CYGB: variants seen among roughly 807,000 people sequenced by gnomAD.
CYGB encodes the protein histoglobin.
In CYGB, 13 loss-of-function variants were observed where a neutral mutation model predicts 20.7. The ratio of observed to expected loss-of-function variants is 0.63; its 90% CI spans 0.41 to 1.00. The LOEUF (loss-of-function observed/expected upper bound fraction) is 1.00. Among genes scored for constraint, CYGB ranks in the 50% least tolerant of loss-of-function variants. The pLI is 0.00. For missense variants in CYGB, 218 were observed against 257.2 expected, an observed-to-expected ratio of 0.85 and a Z score of 1.04; for synonymous variants, 93 against 107.4, an observed-to-expected ratio of 0.87 and a Z score of 0.83.
intron 1 of CYGB, among the ~76,000 whole-genome samples, chr17:76,548,075 TAC>T (rs927515120): frequency 9.3e-5 from 14 of 150,496 alleles, no homozygotes; most frequent in Admixed American, 6.6e-4. Context: ...GACATACATG[TAC>T]ACACACAAAT....
intron 1 of CYGB, among the ~76,000 whole-genome samples, chr17:76,548,168 CACAT>C (rs1456237135): frequency 3.3e-5 from 5 of 152,056 alleles, no homozygotes; most frequent in Non-Finnish European, 5.9e-5. Context: ...CATACACACA[CACAT>C]ATACACCGAC....
At position 76,528,679 on chromosome 17, in the gene CYGB, G is replaced by C; in HGVS notation, c.540-68C>G. 8.1e-7 allele frequency: 1 copy of C among 1,229,050 alleles called. No individual in the cohort carries two copies. Among genetic ancestry groups the C allele is most frequent in the Non-Finnish European group, 1.0e-6 (1 of 969,234 alleles). The allele number at this position is 1,229,050 out of a possible 1,614,324, so 76.1% of individuals were successfully genotyped here. ...CAGGGAAGGACCCTCGGGGGAAAGG[G>C]GGAGGACCTGGGGCTGGCGAGGCTC... On this transcript the variant is annotated intron_variant, in intron 3 of 3. Coordinates refer to ENST00000293230, the MANE Select transcript of CYGB (RefSeq NM_134268.5). This position sits in a 1 kb window ranked among gnomAD's most constrained non-coding sequence, Gnocchi z 5.8.
Position 76,546,360 on chromosome 17 carries a change from G to A in CYGB, c.-53+4502C>T, listed in dbSNP as rs914328016. On this transcript the variant is annotated intron_variant, in intron 1 of 3. Coordinates refer to the CYGB transcript ENST00000589145. This position sits in a 1 kb window ranked among gnomAD's most constrained non-coding sequence, Gnocchi z 4.5. ...GGGAGCCAGGGAAGTAGCCACTGCA[G>A]CTGTGGCTGTCCACTGTCACCCTGG... 1 of 152,336 alleles carries A rather than the reference G, an allele frequency of 6.6e-6. No individual in the cohort carries two copies. The highest frequency in any genetic ancestry group is 2.4e-5 in the African/African-American group (1 of 41,430). The allele number at this position is 152,336 out of a possible 1,614,324, so 9.4% of individuals were successfully genotyped here. A position where few individuals can be genotyped will look rare whatever the true frequency, so the allele number is the denominator to read the frequency against.
intron 3 of CYGB, chr17:76,529,207 G>C (rs942770298): frequency 1.0e-6 from 1 of 985,412 alleles, no homozygotes; most frequent in African/African-American, 1.7e-5. Context: ...GAGCCCATGG[G>C]GACCCTGGCA....
Position 76,534,895 on chromosome 17 carries a change from C to T in CYGB, c.143+2505G>A, listed in dbSNP as rs140158599. Among the ~76,000 whole-genome samples the T allele has an allele frequency of 3.7e-3, 565 of 152,350 alleles. 4 individuals carry two copies. Among genetic ancestry groups the T allele is most frequent in the Middle Eastern group, 0.014 (4 of 294 alleles). On this transcript the variant is annotated intron_variant, in intron 1 of 3. Coordinates refer to ENST00000293230, the MANE Select transcript of CYGB (RefSeq NM_134268.5). The stretch of plus-strand genomic sequence containing the variant: ...GGGCCCATGTGCCTGGCTCCTTCCT[C>T]CTGGCTCTGCGGTGTTTCCACCTGA...
Position 76,528,747 on chromosome 17 carries a change from C to A in CYGB, c.540-136G>T. 1.9e-6 allele frequency: 2 copies of A among 1,039,286 alleles called. No homozygotes were observed. The highest frequency in any genetic ancestry group is 2.5e-6 in the Non-Finnish European group (2 of 801,860). 64.4% of individuals were successfully genotyped at this position (1,039,286 alleles called of 1,614,324 possible). ...CCGGCACAGTGCAGTTGAAAGCAAC[C>A]GTGAGACCCAAGTTCTAGTCTCCGT... On this transcript the variant is annotated intron_variant, in intron 3 of 3. Transcript: ENST00000293230. The surrounding 1 kb of genome is among the most constrained non-coding windows in gnomAD (Gnocchi z 5.8).
upstream of CYGB, chr17:76,540,103 C>T: frequency 6.3e-7 from 1 of 1,578,428 alleles, no homozygotes; most frequent in Non-Finnish European, 8.6e-7. This position sits in a 1 kb window ranked among gnomAD's most constrained non-coding sequence, Gnocchi z 5.0. Flanking sequence ...CTGTGGCCTT[C>T]TGCAGACTTG....
rs1297716240 is a variant in CYGB at position 76,531,452 on chromosome 17, G to A, written c.375+8C>T. 6.2e-7 allele frequency: 1 copy of A among 1,600,758 alleles called. No individual in the cohort carries two copies. Among genetic ancestry groups the A allele is most frequent in the Non-Finnish European group, 8.6e-7 (1 of 1,168,808 alleles). On this transcript the variant is annotated splice_region_variant and intron_variant, in intron 2 of 3. Coordinates refer to ENST00000293230, the MANE Select transcript of CYGB (RefSeq NM_134268.5). This position sits in a 1 kb window ranked among gnomAD's most constrained non-coding sequence, Gnocchi z 7.4. ...GGTGGGGGCTCTGCAGCAGATGGGG[G>A]CGCATACCTTGAAGTACACCGGTTC...
At chr17:76,529,454 G>C in intron 3 of CYGB, 1 of 985,468 alleles carries the variant, frequency 1.0e-6, no homozygotes, top group Non-Finnish European at 1.2e-6. Context: ...GCAGGGTGGG[G>C]AGGGCAGGAC....
upstream of CYGB, chr17:76,542,702 G>A (rs1469009338): frequency 5.7e-5 from 57 of 1,001,706 alleles, 1 homozygote; most frequent in Non-Finnish European, 7.9e-6. Flanking sequence ...CAACAGGCAA[G>A]TCCCGGCCAT....
intron 1 of CYGB, among the ~76,000 whole-genome samples, 170 bp downstream of exon 1, chr17:76,537,230 G>A (rs1304279379): frequency 6.6e-6 from 1 of 152,162 alleles, no homozygotes; most frequent in Non-Finnish European, 1.5e-5. Context: ...CTCAACCCAG[G>A]CTTCGTTCAC....
chr17:76,531,111 G>A lies in CYGB; in HGVS notation c.407C>T (p.Ala136Val). ...TGGGAAGTCACTGGCAAATTCCTCGGCGACCACCTCCAGAATGACCCCAGA... is the reference window on the plus strand; with the variant it reads ...TGGGAAGTCACTGGCAAATTCCTCGACGACCACCTCCAGAATGACCCCAGA... ...ILSGVILEVVAEEFASDFPPE... is the reference protein window; with the variant it reads ...ILSGVILEVVVEEFASDFPPE... The change falls in exon 3 of 4, where the codon GCC (alanine) becomes GTC (valine). Residue 136 changes from alanine (A) to valine (V), a missense_variant. Around this residue, in one of 2 missense-constraint regions of CYGB, gnomAD observed 66 missense variants for 107.4 expected, o/e 0.61. Coordinates refer to ENST00000293230, the MANE Select transcript of CYGB (RefSeq NM_134268.5). This position sits in a 1 kb window ranked among gnomAD's most constrained non-coding sequence, Gnocchi z 7.4. The A allele has an allele frequency of 6.2e-7, 1 of 1,613,872 alleles. No individual in the cohort carries two copies.
upstream of CYGB, among the ~76,000 whole-genome samples, chr17:76,539,516 T>C (rs1353053501): frequency 6.6e-6 from 1 of 152,244 alleles, no homozygotes; most frequent in Non-Finnish European, 1.5e-5. Context: ...CCCTTCACTG[T>C]TGAGTCTCCC....
upstream of CYGB, chr17:76,539,942 A>G (rs1022215086): frequency 1.6e-6 from 1 of 611,566 alleles, no homozygotes; most frequent in African/African-American, 1.8e-5. Context: ...TGGAGGGGAG[A>G]ACCTGGGCCC....
At chr17:76,540,431 G>T (rs1460032944), upstream of CYGB, 20 of 1,529,294 alleles carry the variant, frequency 1.3e-5, no homozygotes, top group Non-Finnish European at 1.6e-5. This position sits in a 1 kb window ranked among gnomAD's most constrained non-coding sequence, Gnocchi z 5.0. Context: ...GCCCAATGCG[G>T]CCTGGACCTG....
Position 76,530,751 on chromosome 17 carries a change from A to G in CYGB, c.539+228T>C, listed in dbSNP as rs558768365. 6.6e-6 allele frequency among the ~76,000 whole-genome samples: 1 copy of G among 151,918 alleles called. No homozygotes were observed. The highest frequency in any genetic ancestry group is 2.1e-4 in the South Asian group (1 of 4,788). On this transcript the variant is annotated intron_variant, in intron 3 of 3. Transcript: ENST00000293230. This position sits in a 1 kb window ranked among gnomAD's most constrained non-coding sequence, Gnocchi z 6.1. ...GGGAAGGGGAAGGCTCTTTGGGAGG[A>G]TTTTTGCTCAGGGCTCATGGCTCTG...
chr17:76,548,014 A>G (rs1454612961), intron 1 of CYGB, among the ~76,000 whole-genome samples: 1 of 152,114 alleles, frequency 6.6e-6, no homozygotes, highest in Non-Finnish European at 1.5e-5. Context: ...TCACACATAC[A>G]CATGCATACA....
intron 1 of CYGB, chr17:76,545,945 G>C (rs1338019512): frequency 6.3e-6 from 1 of 157,970 alleles, no homozygotes. Flanking sequence ...GCAGAGGGTG[G>C]CATTGCTGGG....
chr17:76,528,889 T>C lies in CYGB; in HGVS notation c.540-278A>G, dbSNP rs1006865905. 8.6e-5 allele frequency: 104 copies of C among 1,211,872 alleles called. No homozygotes were observed. The East Asian group carries it at 3.5e-3, about 40-fold the overall frequency. 75.1% of individuals were successfully genotyped at this position (1,211,872 alleles called of 1,614,324 possible). A position where few individuals can be genotyped will look rare whatever the true frequency, so the allele number is the denominator to read the frequency against. On this transcript the variant is annotated intron_variant, in intron 3 of 3. Transcript: ENST00000293230. The surrounding 1 kb of genome is among the most constrained non-coding windows in gnomAD (Gnocchi z 5.8). ...TTGTGACATAAACTGGGTAAAAAAG[T>C]GTTTCACAAACTGCAAAGCACGATA... is the stretch of plus-strand genomic sequence containing the variant.
Sources: gnomAD v4.1 joint callset for allele counts (sites outside exome capture counted in the v4.1 genomes callset) on GRCh38, gnomAD v4.1.1 for gene constraint, gnomAD v4.1.1 regional missense constraint, Gnocchi (gnomAD v3.1) non-coding constraint, MANE v1.5 for transcripts, NCBI Gene and HGNC (gene_info 2026-07-23, HGNC 2026-07-21) for gene names.